Variants in UFL1 observed in about 807,000 individuals in gnomAD.
UFL1 encodes E3 UFM1-protein ligase 1.
UFL1 carries 78 observed loss-of-function variants against 99.3 expected under a neutral mutation model. The observed-to-expected ratio is 0.79, with a 90% CI of 0.65 to 0.95. UFL1 has a LOEUF of 0.95. UFL1 is among the 40% of genes least tolerant of loss of function. UFL1 has a pLI of 0.00. For synonymous variants in UFL1, 335 were observed against 322.2 expected, an observed-to-expected ratio of 1.04 and a Z score of -0.42; for missense variants, 936 against 937.0, an observed-to-expected ratio of 1.00 and a Z score of 0.01.
intron 11 of UFL1, among the ~76,000 whole-genome samples, chr6:96,542,249 T>C (rs534360549): frequency 2.0e-5 from 3 of 151,396 alleles, no homozygotes; most frequent in African/African-American, 7.2e-5. Flanking sequence ...CTATAGTCAA[T>C]AGGTAATAAT....
intron 5 of UFL1, among the ~76,000 whole-genome samples, chr6:96,527,436 T>C (rs1458242658): frequency 6.6e-6 from 1 of 151,578 alleles, no homozygotes; most frequent in Non-Finnish European, 1.5e-5. Flanking sequence ...TCTTTAGGTA[T>C]CTATCACTTT....
In UFL1 at chr6:96,553,263, ACTTTT is replaced by A; in HGVS notation, c.2167-17_2167-13del. 1 of 1,601,280 alleles carries A rather than the reference ACTTTT, an allele frequency of 6.2e-7. No homozygotes were observed. Among genetic ancestry groups the A allele is most frequent in the Non-Finnish European group, 8.5e-7 (1 of 1,172,222 alleles). The stretch of plus-strand genomic sequence containing the variant: ...ACAAAAAGATAAATTGTGTTGATTA[ACTTTT>A]CTTTCCCTTTTCACAGGATCAGCAT... On this transcript the variant is annotated splice_polypyrimidine_tract_variant and intron_variant, in intron 18 of 18. Coordinates refer to ENST00000369278, the MANE Select transcript of UFL1 (RefSeq NM_015323.5).
At chr6:96,542,297 T>C (rs1769941974) in intron 11 of UFL1, among the ~76,000 whole-genome samples, 1 of 151,322 alleles carries the variant, frequency 6.6e-6, no homozygotes, top group South Asian at 2.1e-4. Flanking sequence ...ATGGTCAACA[T>C]TTATGAAGCA....
intron 2 of UFL1, 44 bp from the exon 3 acceptor site, chr6:96,524,338 T>C: frequency 6.4e-7 from 1 of 1,557,044 alleles, no homozygotes; most frequent in Non-Finnish European, 8.7e-7. Context: ...GGTTGGTATG[T>C]ACGCATAGAT....
chr6:96,549,475 T>C lies in UFL1; in HGVS notation c.1584T>C (p.Ala528=), dbSNP rs529630017. 191 of 1,594,220 alleles carry C rather than the reference T, an allele frequency of 1.2e-4. 5 individuals carry two copies. The South Asian group carries it at 2.1e-3, about 17-fold the overall frequency. Residue 528 remains alanine, a synonymous_variant, in exon 14 of 19, where the codon GCT becomes GCC. Transcript: ENST00000369278. ...RSVFMSSTTS[A]SGTGRKRTIK... is the part of the protein sequence containing the mutation. ...TATTCATGTCTTCAACAACTTCTGC[T>C]TCTGGGACGGGCAGAAAACGCACAA... is the stretch of plus-strand genomic sequence containing the variant.
rs1770137284 is a variant in UFL1, at chr6:96,555,139, T to G, written c.*1636T>G. On this transcript the variant is annotated 3_prime_UTR_variant, in exon 19 of 19. Coordinates refer to ENST00000369278, the MANE Select transcript of UFL1 (RefSeq NM_015323.5). Reference sequence around the variant, plus strand: ...TGCCACAGTAAAGAACAGTTTTTATTGTTTTGTAAGTAAAATTACGTAGCT... The same window carrying G: ...TGCCACAGTAAAGAACAGTTTTTATGGTTTTGTAAGTAAAATTACGTAGCT... 1 of 152,360 alleles carries G rather than the reference T, an allele frequency of 6.6e-6. No homozygotes were observed. The highest frequency in any genetic ancestry group is 1.5e-5 in the Non-Finnish European group (1 of 68,014). 9.4% of individuals were successfully genotyped at this position (152,360 alleles called of 1,614,324 possible).
Position 96,537,502 on chromosome 6 carries a change from G to C in UFL1, c.931G>C (p.Ala311Pro). The change falls in exon 9 of 19, where the codon GCA becomes CCA. Residue 311 changes from alanine (A) to proline (P), a missense_variant. Coordinates refer to ENST00000369278, the MANE Select transcript of UFL1 (RefSeq NM_015323.5). ...TCAAGGACTTGTGGATCAAGTGGAA[G>C]CATCAGTAGAAGAAGCCATCAGCTC... ...VGQGLVDQVE[A>P]SVEEAISSGT... is the part of the protein sequence containing the mutation. 1 of 1,608,998 alleles carries C rather than the reference G, an allele frequency of 6.2e-7. No individual in the cohort carries two copies. Among genetic ancestry groups the C allele is most frequent in the Non-Finnish European group, 8.5e-7 (1 of 1,177,514 alleles).
At position 96,550,834 on chromosome 6, in the gene UFL1, G is replaced by A. The variant is rs749977716; in HGVS notation, c.1819-599G>A. On this transcript the variant is annotated intron_variant, in intron 15 of 18. Coordinates refer to ENST00000369278, the MANE Select transcript of UFL1 (RefSeq NM_015323.5). ...ATTGGGGCAGAGAGGCTAGACAGGA[G>A]CAACTAGCCCTTAATCTTCCCAGAC... is the stretch of plus-strand genomic sequence containing the variant. 4.6e-5 allele frequency among the ~76,000 whole-genome samples: 7 copies of A among 152,094 alleles called. No individual in the cohort carries two copies. The South Asian group carries it at 6.2e-4, about 14-fold the overall frequency.
At chr6:96,552,796 C>A in intron 18 of UFL1, 134 bp downstream of exon 18, 1 of 778,580 alleles carries the variant, frequency 1.3e-6, no homozygotes, top group Non-Finnish European at 1.9e-6. Context: ...ATAATGTGAA[C>A]AGTGGATTAG....
chr6:96,551,539 A>G (rs1278319862), intron 16 of UFL1, 26 bp downstream of exon 16: 7 of 1,382,368 alleles, frequency 5.1e-6, no homozygotes, highest in Non-Finnish European at 6.9e-6. Context: ...TTCTATTTAC[A>G]TGTCAGGGCT....
Position 96,534,268 on chromosome 6 carries a change from C to A in UFL1, c.602C>A (p.Thr201Lys). ...TTTTTTAACTTTCCATAAAGGCCTA[C>A]AGCTGTGAATTCTTTGATTTCAAAA... is the stretch of plus-strand genomic sequence containing the variant. ...RGLFSAITRP[T>K]AVNSLISKYG... The change falls in exon 7 of 19, where the codon ACA becomes AAA. Residue 201 changes from threonine (T) to lysine (K), a missense_variant. Transcript: ENST00000369278. 7 of 1,562,618 alleles carry A rather than the reference C, an allele frequency of 4.5e-6. No homozygotes were observed. Among genetic ancestry groups the A allele is most frequent in the South Asian group, 1.2e-5 (1 of 81,850 alleles).
Position 96,528,602 on chromosome 6 carries a change from G to A in UFL1, c.566G>A (p.Arg189His), listed in dbSNP as rs1487075982. The change falls in exon 6 of 19, where the codon CGT becomes CAT. Residue 189 changes from arginine to histidine, a missense_variant. Arg to His is a conservative substitution (Grantham distance 29). Transcript: ENST00000369278. ...GCTTTTGTAGCTCGACATAAAGCAC[G>A]TATCCGTGGACTATTCAGTGCTATT... ...TEAFVARHKARIRGLFSAITR... is the reference protein window; with the variant it reads ...TEAFVARHKAHIRGLFSAITR... The A allele has an allele frequency of 5.0e-6, 8 of 1,613,756 alleles. No homozygotes were observed. Among genetic ancestry groups the A allele is most frequent in the South Asian group, 1.1e-5 (1 of 91,060 alleles).
chr6:96,537,104 T>C (rs1190524104), intron 8 of UFL1, among the ~76,000 whole-genome samples: 2 of 151,754 alleles, frequency 1.3e-5, no homozygotes, highest in African/African-American at 4.8e-5. Context: ...AGTATATAAA[T>C]AATTTAAACG....
At chr6:96,540,708 C>T (rs555608575) in intron 11 of UFL1, 53 bp downstream of exon 11, 2 of 1,560,774 alleles carry the variant, frequency 1.3e-6, no homozygotes, top group Non-Finnish European at 1.7e-6. Context: ...TTGCAGTGAA[C>T]TTTGCATTTA....
Position 96,537,385 on chromosome 6 carries a change from T to G in UFL1, c.814T>G (p.Leu272Val). ...RQNGYLEFDA[L>V]SRLGIPDAVS... The stretch of plus-strand genomic sequence containing the variant: ...TGATATATTTGTAGAATTTGATGCT[T>G]TGTCCAGACTTGGAATCCCAGATGC... Residue 272 changes from leucine (L) to valine (V), a missense_variant, in exon 9 of 19, where the codon TTG becomes GTG. Transcript: ENST00000369278. 6.4e-7 allele frequency: 1 copy of G among 1,568,372 alleles called. No homozygotes were observed. The highest frequency in any genetic ancestry group is 2.3e-5 in the East Asian group (1 of 42,958).
At chr6:96,537,308 T>C in intron 8 of UFL1, 66 bp from the exon 9 acceptor site, 1 of 1,417,476 alleles carries the variant, frequency 7.1e-7, no homozygotes, top group Non-Finnish European at 9.4e-7. Context: ...CTTTTAAGTC[T>C]TTATTTTTCA....
chr6:96,529,482 C>T (rs947461396), intron 6 of UFL1, among the ~76,000 whole-genome samples: 3 of 152,194 alleles, frequency 2.0e-5, no homozygotes, highest in African/African-American at 7.2e-5. Context: ...ACTGATGTCT[C>T]ATTATCTGTA....
At chr6:96,539,038 A>G (rs904117015) in intron 10 of UFL1, among the ~76,000 whole-genome samples, 1 of 151,646 alleles carries the variant, frequency 6.6e-6, no homozygotes, top group African/African-American at 2.4e-5. Context: ...AATTAAAATA[A>G]CGTAAAGGAA....
At chr6:96,524,511 G>A in intron 3 of UFL1, 101 bp downstream of exon 3, 1 of 898,556 alleles carries the variant, frequency 1.1e-6, no homozygotes. Flanking sequence ...ATTTTGTGTA[G>A]TGTTTATAAA....
Sources: gnomAD v4.1 joint callset for allele counts (sites outside exome capture counted in the v4.1 genomes callset) on GRCh38, gnomAD v4.1.1 for gene constraint, MANE v1.5 for transcripts, NCBI Gene and HGNC (gene_info 2026-07-23, HGNC 2026-07-21) for gene names.